Variants in TTC23 observed in about 807,000 individuals in gnomAD.
TTC23 encodes tetratricopeptide repeat domain 23.
Under a neutral mutation model 55.1 loss-of-function variants are expected in TTC23, and 58 were observed. The observed-to-expected ratio is 1.05, with a 90% confidence interval of 0.85 to 1.31. The LOEUF is 1.31. TTC23 is among the 50% of genes most tolerant of loss of function. TTC23 has a pLI of 0.00. For synonymous variants in TTC23, 203 were observed against 199.9 expected (o/e 1.02, Z -0.13); for missense variants, 516 against 534.4 (o/e 0.97, Z 0.34).
chr15:99,161,368 C>T (rs1382666799), intron 11 of TTC23, among the ~76,000 whole-genome samples: 4 of 152,050 alleles, frequency 2.6e-5, no homozygotes, highest in Admixed American at 2.0e-4. Context: ...ACTTCTGCAC[C>T]GTATAGTTTT....
intron 9 of TTC23, among the ~76,000 whole-genome samples, chr15:99,191,878 T>C (rs774785498): frequency 6.6e-6 from 1 of 152,214 alleles, no homozygotes; most frequent in South Asian, 2.1e-4. Flanking sequence ...TAGATACTTG[T>C]TGAATGGCTT....
At chr15:99,196,244 T>C (rs1317407964) in intron 9 of TTC23, among the ~76,000 whole-genome samples, 1 of 151,138 alleles carries the variant, frequency 6.6e-6, no homozygotes, top group Admixed American at 6.6e-5. Flanking sequence ...AGTAAAATAA[T>C]GTAAAAAGCT....
At chr15:99,190,181 A>G (rs1275776570) in intron 9 of TTC23, among the ~76,000 whole-genome samples, 2 of 148,502 alleles carry the variant, frequency 1.3e-5, no homozygotes, top group African/African-American at 2.5e-5. Flanking sequence ...CCTGTCTAAA[A>G]AAAGAAAGAA....
upstream of TTC23, among the ~76,000 whole-genome samples, chr15:99,250,948 G>A (rs2080685887): frequency 6.6e-6 from 1 of 152,136 alleles, no homozygotes; most frequent in Non-Finnish European, 1.5e-5. Flanking sequence ...TCAGACTGGC[G>A]CTGTTAGTCC....
chr15:99,193,234 T>C (rs2623186), intron 9 of TTC23, among the ~76,000 whole-genome samples: 3,432 of 152,140 alleles, frequency 0.023, 122 homozygotes, highest in African/African-American at 0.079. Context: ...GAAGGCATGA[T>C]TGGTTTTGAA....
At chr15:99,195,353 T>C (rs1234531034) in intron 9 of TTC23, among the ~76,000 whole-genome samples, 1 of 152,024 alleles carries the variant, frequency 6.6e-6, no homozygotes, top group Non-Finnish European at 1.5e-5. Context: ...ACCAGGGAAA[T>C]ACAATTTAAA....
At chr15:99,229,060 A>G (rs1316242739) in intron 4 of TTC23, among the ~76,000 whole-genome samples, 1 of 151,142 alleles carries the variant, frequency 6.6e-6, no homozygotes, top group African/African-American at 2.4e-5. Flanking sequence ...TTAGCCTAGC[A>G]CATACATATG....
At chr15:99,152,830 C>T (rs782543857) in intron 12 of TTC23, among the ~76,000 whole-genome samples, 1 of 152,114 alleles carries the variant, frequency 6.6e-6, no homozygotes, top group African/African-American at 2.4e-5. Flanking sequence ...CAGGGTCTCA[C>T]TTTGTCACTC....
chr15:99,228,557 T>C lies in TTC23; in HGVS notation c.156A>G (p.Ala52=), dbSNP rs1404284222. ...CCTCATGACTGTTGGAATAGGACTT[T>C]GCTTTCTCTTCACAGAGGTGGAGTT... ...REKLHLCEEK[A]KSYSNSHEYK... is the part of the protein sequence containing the mutation. Residue 52 remains alanine, a synonymous_variant, in exon 5 of 14, where the codon GCA becomes GCG. Transcript: ENST00000394132. 1 of 1,612,974 alleles carries C rather than the reference T, an allele frequency of 6.2e-7. No individual in the cohort carries two copies. Among genetic ancestry groups the C allele is most frequent in the African/African-American group, 1.3e-5 (1 of 74,872 alleles).
Position 99,138,003 on chromosome 15 carries a change from G to T in TTC23, c.*7C>A. On this transcript the variant is annotated 3_prime_UTR_variant, in exon 14 of 14. Transcript: ENST00000394132. ...GGAATGTCCTAGGCTTTTTCAGGGT[G>T]GGGGCCTCAGTCTGCTGTTGTGCCG... is the stretch of plus-strand genomic sequence containing the variant. 1 of 1,614,052 alleles carries T rather than the reference G, an allele frequency of 6.2e-7. No homozygotes were observed. Among genetic ancestry groups the T allele is most frequent in the South Asian group, 1.1e-5 (1 of 91,080 alleles).
intron 9 of TTC23, among the ~76,000 whole-genome samples, chr15:99,181,834 G>A (rs2074147240): frequency 6.6e-6 from 1 of 152,152 alleles, no homozygotes; most frequent in East Asian, 1.9e-4. Context: ...AGAGAGCATT[G>A]GAAAACTGAG....
intron 4 of TTC23, among the ~76,000 whole-genome samples, chr15:99,231,505 T>C (rs1020021556): frequency 2.6e-5 from 4 of 152,232 alleles, no homozygotes; most frequent in African/African-American, 9.6e-5. Flanking sequence ...ATTTTGTTTT[T>C]TTTTGAGACG....
intron 6 of TTC23, among the ~76,000 whole-genome samples, chr15:99,221,216 G>A (rs1157099986): frequency 6.6e-6 from 1 of 152,212 alleles, no homozygotes; most frequent in African/African-American, 2.4e-5. Flanking sequence ...GAGCCAAGCA[G>A]TGGGAGAGAG....
chr15:99,156,969 T>C (rs2070676387), intron 11 of TTC23, among the ~76,000 whole-genome samples: 2 of 152,080 alleles, frequency 1.3e-5, no homozygotes, highest in African/African-American at 4.8e-5. Flanking sequence ...CACACAATTG[T>C]GTGGGTCTCA....
chr15:99,154,518 CT>C (rs2070283283), intron 12 of TTC23, among the ~76,000 whole-genome samples: 2 of 152,146 alleles, frequency 1.3e-5, no homozygotes, highest in Non-Finnish European at 2.9e-5. Context: ...CTCTCATTTC[CT>C]TTTGCTTTCT....
At chr15:99,231,813 ACGGAGTTTCACTGTTGTTGCCC>A (rs2152074976) in intron 4 of TTC23, among the ~76,000 whole-genome samples, 1 of 147,182 alleles carries the variant, frequency 6.8e-6, no homozygotes, top group African/African-American at 2.5e-5. Flanking sequence ...TTGTTTTGAG[ACGGAGTTTCACTGTTGTTGCCC>A]AGGCTGGAGT....
rs552865421 is a variant in TTC23, at chr15:99,147,099, G to C, written c.1144-7700C>G. 1.9e-3 allele frequency among the ~76,000 whole-genome samples: 289 copies of C among 150,622 alleles called. 9 individuals are homozygous for C. The highest frequency in any genetic ancestry group is 6.7e-3 in the African/African-American group (269 of 40,428). ...CTGGCTAATTTTTGTATTTTTAGTA[G>C]AGATGGGGTTTCACCATGTTGGCCA... is the stretch of plus-strand genomic sequence containing the variant. On this transcript the variant is annotated intron_variant, in intron 12 of 13. Coordinates refer to ENST00000394132, the MANE Select transcript of TTC23 (RefSeq NM_001288615.3).
chr15:99,175,213 A>G, intron 9 of TTC23, 58 bp from the exon 10 acceptor site: 2 of 1,398,198 alleles, frequency 1.4e-6, no homozygotes, highest in Non-Finnish European at 2.0e-6. Flanking sequence ...GCAGCAGGGA[A>G]TTAACTGTCC....
chr15:99,235,849 T>C (rs1334425796), intron 3 of TTC23, among the ~76,000 whole-genome samples: 1 of 152,226 alleles, frequency 6.6e-6, no homozygotes, highest in African/African-American at 2.4e-5. Context: ...CCCATTCTAC[T>C]TTCTGTCTCT....
Sources: gnomAD v4.1 joint callset for allele counts (sites outside exome capture counted in the v4.1 genomes callset) on GRCh38, gnomAD v4.1.1 for gene constraint, MANE v1.5 for transcripts, NCBI Gene and HGNC (gene_info 2026-07-23, HGNC 2026-07-21) for gene names.